The following FAM53A variants were observed in gnomAD, a reference collection of about 807,000 sequenced individuals.
FAM53A encodes the protein family with sequence similarity 53 member A.
A neutral mutation model predicts 26.6 loss-of-function variants in FAM53A; 28 were observed. That is an observed-to-expected ratio of 1.05 (90% CI 0.78 to 1.45). FAM53A has a LOEUF of 1.45. Among genes scored for constraint, FAM53A ranks in the 40% most tolerant of loss-of-function variants. The pLI is 0.00. For synonymous variants in FAM53A, 290 were observed against 253.1 expected (o/e 1.15, Z -1.38); for missense variants, 650 against 575.8 (o/e 1.13, Z -1.32).
chr4:1,596,116 G>A, the FAM53A span, among the ~76,000 whole-genome samples: 4 of 152,178 alleles, frequency 2.6e-5, no homozygotes, highest in Non-Finnish European at 4.4e-5. Context: ...ACAGAGGGAC[G>A]AGGGGAGGGT....
intron 4 of FAM53A, among the ~76,000 whole-genome samples, chr4:1,646,557 ACAGCT>A (rs1712265961): frequency 1.3e-5 from 2 of 152,148 alleles, no homozygotes; most frequent in Admixed American, 1.3e-4. Flanking sequence ...CACAGAGAAA[ACAGCT>A]CAGCAGGTGC....
At position 1,655,346 on chromosome 4, in the gene FAM53A, T is replaced by G; in HGVS notation, c.514A>C (p.Ser172Arg). Residue 172 changes from serine to arginine, a missense_variant, in exon 4 of 5, where the codon AGT (serine) becomes CGT (arginine). Coordinates refer to ENST00000308132, the MANE Select transcript of FAM53A (RefSeq NM_001174070.3). ...GTGGGACCGGTCGACCACACAGCAC[T>G]CCTCGGCAGGACGGCGCCGGGGCTT... The part of the protein sequence containing the change: ...QGSPGAVLPR[S>R]AVWSTGPTSP... The G allele has an allele frequency of 7.0e-7, 1 of 1,436,858 alleles. No individual in the cohort carries two copies. Among genetic ancestry groups the G allele is most frequent in the Non-Finnish European group, 9.1e-7 (1 of 1,098,158 alleles). 89.0% of individuals were successfully genotyped at this position (1,436,858 alleles called of 1,614,324 possible).
the FAM53A span, among the ~76,000 whole-genome samples, chr4:1,595,390 A>G: frequency 6.6e-6 from 1 of 152,154 alleles, no homozygotes; most frequent in African/African-American, 2.4e-5. Flanking sequence ...GCTTTTGTCT[A>G]TTGAAGGCTG....
At chr4:1,633,084 GCACA>G (rs925246903) in intron 1 of FAM53A, among the ~76,000 whole-genome samples, 4 of 151,958 alleles carry the variant, frequency 2.6e-5, no homozygotes, top group African/African-American at 9.7e-5. Context: ...ACGCTCATGT[GCACA>G]CACATAGCTT....
chr4:1,681,817 G>A (rs1040110891), intron 1 of FAM53A, among the ~76,000 whole-genome samples: 2 of 151,990 alleles, frequency 1.3e-5, no homozygotes, highest in Admixed American at 6.6e-5. Flanking sequence ...AATTCAAATC[G>A]TAAAATGAAG....
At chr4:1,578,016 G>A in the FAM53A span, among the ~76,000 whole-genome samples, 1 of 152,152 alleles carries the variant, frequency 6.6e-6, no homozygotes, top group Non-Finnish European at 1.5e-5. Flanking sequence ...TGCCCTTGCA[G>A]GCCGGGGTGA....
the FAM53A span, among the ~76,000 whole-genome samples, chr4:1,590,277 T>A: frequency 6.6e-6 from 1 of 152,232 alleles, no homozygotes; most frequent in African/African-American, 2.4e-5. Context: ...CATTTTCTTT[T>A]GTGGCTGAAA....
At chr4:1,623,991 A>G (rs1199820809) in intron 1 of FAM53A, among the ~76,000 whole-genome samples, 1 of 152,084 alleles carries the variant, frequency 6.6e-6, no homozygotes, top group African/African-American at 2.4e-5. Context: ...CCCAGGGGCC[A>G]TGCCTGCCTG....
chr4:1,668,977 T>C (rs193075799), intron 1 of FAM53A, 72 bp from the exon 2 acceptor site: 126 of 517,590 alleles, frequency 2.4e-4, no homozygotes, highest in African/African-American at 2.3e-3. Flanking sequence ...CTGCTACATG[T>C]TGGGTCCCCT....
intron 2 of FAM53A, among the ~76,000 whole-genome samples, chr4:1,661,728 C>T (rs766594313): frequency 6.6e-6 from 1 of 152,114 alleles, no homozygotes; most frequent in Non-Finnish European, 1.5e-5. Context: ...GCGAGGCACC[C>T]GTGCCCACTC....
At chr4:1,598,449 G>A in the FAM53A span, among the ~76,000 whole-genome samples, 8 of 152,342 alleles carry the variant, frequency 5.3e-5, no homozygotes, top group Middle Eastern at 3.4e-3. Context: ...GACGGGGGCC[G>A]CAATCCCCAA....
chr4:1,610,324 G>A, the FAM53A span, among the ~76,000 whole-genome samples: 67 of 152,152 alleles, frequency 4.4e-4, no homozygotes, highest in Non-Finnish European at 9.3e-4. Context: ...GCTGCCTGCC[G>A]GAAGACCTGC....
At chr4:1,605,394 A>T in the FAM53A span, among the ~76,000 whole-genome samples, 1 of 151,986 alleles carries the variant, frequency 6.6e-6, no homozygotes, top group Admixed American at 6.5e-5. The surrounding 1 kb of genome is among the most constrained non-coding windows in gnomAD (Gnocchi z 5.7). Context: ...CGTGCCGGTG[A>T]CCCAGCCTGG....
At chr4:1,596,652 C>T in the FAM53A span, among the ~76,000 whole-genome samples, 5 of 152,200 alleles carry the variant, frequency 3.3e-5, no homozygotes, top group South Asian at 2.1e-4. Flanking sequence ...TTCACTCACA[C>T]GGTGTCCGCC....
the FAM53A span, among the ~76,000 whole-genome samples, chr4:1,610,762 C>T: frequency 2.0e-5 from 3 of 152,148 alleles, no homozygotes; most frequent in African/African-American, 7.2e-5. Flanking sequence ...GGCTCTCCCC[C>T]ACTGCACAGC....
In FAM53A at chr4:1,641,569, G is replaced by C. The variant is rs748423566; in HGVS notation, c.921C>G (p.Tyr307Ter). ...KNSKSLCSLN[Y>*]EDDDEDDTPV... ...GGGTGTCATCCTCATCGTCATCTTC[G>C]TAATTGAGGGAGCAAAGGCTTTTTG... The change falls in exon 5 of 5, where the codon TAC becomes TAG. Residue 307 changes from tyrosine to a stop codon, truncating the protein, a stop_gained. Transcript: ENST00000308132. LOFTEE classifies it low-confidence loss of function (END_TRUNC). 3 of 1,614,180 alleles carry C rather than the reference G, an allele frequency of 1.9e-6. No individual in the cohort carries two copies. The South Asian group carries it at 3.3e-5, about 18-fold the overall frequency.
the FAM53A span, among the ~76,000 whole-genome samples, chr4:1,578,756 G>A: frequency 1.1e-4 from 16 of 139,696 alleles, no homozygotes; most frequent in African/African-American, 3.2e-4. Flanking sequence ...GGAGGGCAGG[G>A]CAGGGAAGGG....
the FAM53A span, among the ~76,000 whole-genome samples, chr4:1,593,319 C>T: frequency 1.3e-5 from 2 of 152,216 alleles, no homozygotes; most frequent in African/African-American, 4.8e-5. Flanking sequence ...GCGCTCAGCC[C>T]AGGCCAGGGG....
chr4:1,656,602 T>C (rs1258888811), intron 3 of FAM53A, among the ~76,000 whole-genome samples: 2 of 152,014 alleles, frequency 1.3e-5, no homozygotes, highest in East Asian at 3.9e-4. Context: ...TGGAGGTGGC[T>C]GGTCTGACCC....
Sources: gnomAD v4.1 joint callset for allele counts (sites outside exome capture counted in the v4.1 genomes callset) on GRCh38, gnomAD v4.1.1 for gene constraint, Gnocchi (gnomAD v3.1) non-coding constraint, MANE v1.5 for transcripts, NCBI Gene and HGNC (gene_info 2026-07-23, HGNC 2026-07-21) for gene names.